Variants in SPATA13 observed in about 807,000 individuals in gnomAD.
The protein encoded by SPATA13 is spermatogenesis-associated protein 13.
In SPATA13, 50 loss-of-function variants were observed where a neutral mutation model predicts 104.0. The observed-to-expected ratio is 0.48, with a 90% CI of 0.38 to 0.61. The LOEUF is 0.61. Ranked by LOEUF, SPATA13 falls within the 20% of genes least tolerant of loss-of-function variation. The pLI is 0.00. For missense variants in SPATA13, 1,524 were observed against 1,690.6 expected, an observed-to-expected ratio of 0.90 and a Z score of 1.73; for synonymous variants, 606 against 667.5, an observed-to-expected ratio of 0.91 and a Z score of 1.42.
chr13:23,983,428 C>A (rs1001167356), intron 1 of SPATA13, among the ~76,000 whole-genome samples: 1 of 152,180 alleles, frequency 6.6e-6, no homozygotes, highest in African/African-American at 2.4e-5. Flanking sequence ...CAAACACAGT[C>A]CCATTCTGAG....
chr13:24,223,110 G>GAC lies in SPATA13; in HGVS notation c.184_185dup (p.Gln63ProfsTer56). On this transcript the variant is annotated frameshift_variant, in exon 2 of 13. Coordinates refer to ENST00000382108, the MANE Select transcript of SPATA13 (RefSeq NM_001166271.3). LOFTEE classifies it high-confidence loss of function. ...TGGCTGCAGCCCTGGTGGCGACACG[G>GAC]ACACCCAGGAAGCCAAACTCAGCCC... 1 of 1,551,738 alleles carries GAC rather than the reference G, an allele frequency of 6.4e-7. No homozygotes were observed. Among genetic ancestry groups the GAC allele is most frequent in the Non-Finnish European group, 8.7e-7 (1 of 1,147,014 alleles).
intron 4 of SPATA13, among the ~76,000 whole-genome samples, chr13:24,271,284 G>A (rs533329287): frequency 6.6e-6 from 1 of 152,142 alleles, no homozygotes; most frequent in Non-Finnish European, 1.5e-5. Context: ...ATTGTTACTA[G>A]TTTTGCTGCT....
At chr13:24,195,043 C>T (rs1869974136) in intron 1 of SPATA13, among the ~76,000 whole-genome samples, 1 of 152,142 alleles carries the variant, frequency 6.6e-6, no homozygotes, top group Admixed American at 6.5e-5. Context: ...CAGCTGTTGC[C>T]ACTGATTCCA....
chr13:24,080,937 C>T (rs1367596473), intron 3 of SPATA13, among the ~76,000 whole-genome samples: 4 of 152,328 alleles, frequency 2.6e-5, no homozygotes, highest in Non-Finnish European at 5.9e-5. Context: ...CCTGGAAACA[C>T]ACGTACCTCC....
chr13:24,192,886 C>G (rs9511124), intron 1 of SPATA13, among the ~76,000 whole-genome samples: 64,622 of 152,080 alleles, frequency 0.42, 16,031 homozygotes, highest in Non-Finnish European at 0.56. Context: ...CAGAGCCCAG[C>G]AGGTGGTCCT....
intron 3 of SPATA13, among the ~76,000 whole-genome samples, chr13:24,057,045 G>A (rs1270159073): frequency 1.4e-5 from 2 of 142,672 alleles, no homozygotes; most frequent in African/African-American, 2.6e-5. Flanking sequence ...CTTTCATAGC[G>A]TCTGGCTCTT....
At chr13:24,235,143 T>C (rs549960332) in intron 2 of SPATA13, among the ~76,000 whole-genome samples, 2 of 152,324 alleles carry the variant, frequency 1.3e-5, no homozygotes, top group African/African-American at 4.8e-5. Context: ...AGTTAAACTT[T>C]GCAAATTATG....
At chr13:24,097,182 G>A (rs970232150) in intron 3 of SPATA13, among the ~76,000 whole-genome samples, 1 of 152,118 alleles carries the variant, frequency 6.6e-6, no homozygotes, top group African/African-American at 2.4e-5. Flanking sequence ...TGGCTGGGTG[G>A]GTGTGTGAGG....
chr13:24,234,826 C>T (rs1271153974), intron 2 of SPATA13, among the ~76,000 whole-genome samples: 1 of 152,138 alleles, frequency 6.6e-6, no homozygotes, highest in African/African-American at 2.4e-5. Flanking sequence ...TGCCAGCCAG[C>T]CATTCCCAAT....
At chr13:24,234,241 A>G (rs1209800807) in intron 2 of SPATA13, among the ~76,000 whole-genome samples, 2 of 152,214 alleles carry the variant, frequency 1.3e-5, no homozygotes, top group Non-Finnish European at 2.9e-5. Flanking sequence ...GCAATATCAT[A>G]ATATATTCTT....
At chr13:24,093,123 C>A (rs560648257) in intron 3 of SPATA13, among the ~76,000 whole-genome samples, 2 of 152,206 alleles carry the variant, frequency 1.3e-5, no homozygotes, top group African/African-American at 4.8e-5. Flanking sequence ...CATTTTCCAC[C>A]TGACCCTAAT....
intron 1 of SPATA13, among the ~76,000 whole-genome samples, chr13:24,211,916 C>T (rs543459146): frequency 3.3e-5 from 5 of 152,272 alleles, no homozygotes; most frequent in East Asian, 1.9e-4. Context: ...ATCCGTGTGT[C>T]GGCTGAAGGA....
intron 3 of SPATA13, among the ~76,000 whole-genome samples, chr13:24,044,941 G>A (rs1168614455): frequency 1.3e-5 from 2 of 152,026 alleles, no homozygotes; most frequent in African/African-American, 4.8e-5. Flanking sequence ...TGGGTACAAA[G>A]TTACAGTTAG....
In SPATA13 at chr13:24,219,206, A is replaced by C. The variant is rs541765265; in HGVS notation, c.-111-3613A>C. 2.6e-5 allele frequency among the ~76,000 whole-genome samples: 4 copies of C among 152,298 alleles called. No homozygotes were observed. The South Asian group carries it at 8.3e-4, about 32-fold the overall frequency. Reference sequence around the variant, plus strand: ...ACCCTTGGTTAGTTAATTGAGGTCAAATTATTAGTTCTAAATAATGCAACT... The same window carrying C: ...ACCCTTGGTTAGTTAATTGAGGTCACATTATTAGTTCTAAATAATGCAACT... On this transcript the variant is annotated intron_variant, in intron 1 of 12. Coordinates refer to ENST00000382108, the MANE Select transcript of SPATA13 (RefSeq NM_001166271.3).
At chr13:24,001,104 G>T (rs9510987) in intron 2 of SPATA13, among the ~76,000 whole-genome samples, 28,770 of 152,088 alleles carry the variant, frequency 0.19, 3,404 homozygotes, top group South Asian at 0.27. Context: ...GTTCTTCCAG[G>T]CTGGCCGAGT....
At chr13:24,098,370 C>A (rs575497506) in intron 3 of SPATA13, among the ~76,000 whole-genome samples, 3 of 151,818 alleles carry the variant, frequency 2.0e-5, no homozygotes, top group Non-Finnish European at 4.4e-5. Flanking sequence ...TCAGCCCGGG[C>A]AAGACCCCTT....
chr13:24,007,041 G>A (rs940800253), intron 2 of SPATA13, among the ~76,000 whole-genome samples: 7 of 152,160 alleles, frequency 4.6e-5, no homozygotes, highest in African/African-American at 1.7e-4. Flanking sequence ...CTGAAGGCCA[G>A]CTTGTGCACA....
At chr13:24,066,570 A>C (rs1292544231) in intron 3 of SPATA13, among the ~76,000 whole-genome samples, 1 of 152,128 alleles carries the variant, frequency 6.6e-6, no homozygotes, top group Non-Finnish European at 1.5e-5. Flanking sequence ...CATTTCTCAA[A>C]GGCGGGAGTG....
In SPATA13 at chr13:24,289,178, T is replaced by C. The variant is rs746922230; in HGVS notation, c.2847T>C (p.Asn949=). 5 of 1,607,924 alleles carry C rather than the reference T, an allele frequency of 3.1e-6. No homozygotes were observed. In the South Asian group the frequency reaches 5.6e-5, roughly 18 times the overall value. The change falls in exon 8 of 13, where the codon AAT becomes AAC. Residue 949 remains asparagine, a splice_region_variant and synonymous_variant. Transcript: ENST00000382108. ...LSEIGSCFLQ[N]QEGFAIYSEY... Reference sequence around the variant, plus strand: ...AAATAGGATCTTGCTTTCTTCAAAATGTGCGTCACCCTTTACTTCATTATT... The same window carrying C: ...AAATAGGATCTTGCTTTCTTCAAAACGTGCGTCACCCTTTACTTCATTATT...
Sources: allele counts gnomAD v4.1 joint callset (sites outside exome capture counted in the v4.1 genomes callset), GRCh38; gene constraint gnomAD v4.1.1; transcripts MANE v1.5; gene names NCBI Gene and HGNC (gene_info 2026-07-23, HGNC 2026-07-21).